DLG2: variants seen among roughly 807,000 people sequenced by gnomAD.
DLG2 encodes disks large homolog 2.
A neutral mutation model predicts 132.5 loss-of-function variants in DLG2; 45 were observed. The observed-to-expected ratio is 0.34, with a 90% CI of 0.27 to 0.44. The LOEUF (loss-of-function observed/expected upper bound fraction) is 0.44, where lower values mean the gene tolerates loss of function less well. Ranked by LOEUF, DLG2 falls within the 20% of genes least tolerant of loss-of-function variation. The pLI is 1.00. For synonymous variants in DLG2, 424 were observed against 419.6 expected (o/e 1.01, Z -0.13); for missense variants, 1,045 against 1,196.9 (o/e 0.87, Z 1.87).
At chr11:85,424,841 C>T (rs974931323) in intron 3 of DLG2, among the ~76,000 whole-genome samples, 3 of 152,142 alleles carry the variant, frequency 2.0e-5, no homozygotes, top group Non-Finnish European at 4.4e-5. Context: ...GAACAATTCC[C>T]TCACCAAACA....
rs913190754 is a variant in DLG2, at chr11:84,222,032, A to AT, written c.573+29205dup. ...GTATTACAGGTAAAATTTAAGTTCTATTTTTTTTATTTTTTTTTAAACAGA... is the reference window on the plus strand; with the variant it reads ...GTATTACAGGTAAAATTTAAGTTCTATTTTTTTTTATTTTTTTTTAAACAGA... On this transcript the variant is annotated intron_variant, in intron 8 of 27. Coordinates refer to ENST00000376104, the MANE Select transcript of DLG2 (RefSeq NM_001142699.3). 4.6e-5 allele frequency among the ~76,000 whole-genome samples: 7 copies of AT among 151,824 alleles called. No individual in the cohort carries two copies. The South Asian group carries it at 1.5e-3, about 32-fold the overall frequency.
chr11:84,121,808 G>A (rs189229880), intron 9 of DLG2, among the ~76,000 whole-genome samples: 6 of 151,350 alleles, frequency 4.0e-5, no homozygotes, highest in East Asian at 2.0e-4. Context: ...TGATCTGCCC[G>A]CCTCAGCCTC....
At chr11:83,759,390 G>A (rs1281124255) in intron 18 of DLG2, among the ~76,000 whole-genome samples, 1 of 152,198 alleles carries the variant, frequency 6.6e-6, no homozygotes, top group Non-Finnish European at 1.5e-5. Context: ...AATAGCAAGG[G>A]AACAGCCGTT....
intron 8 of DLG2, among the ~76,000 whole-genome samples, chr11:84,194,427 A>C (rs1029815687): frequency 6.6e-6 from 1 of 152,144 alleles, no homozygotes; most frequent in Non-Finnish European, 1.5e-5. Flanking sequence ...ACAGATCATA[A>C]AGGTGGCACA....
chr11:83,871,725 C>G (rs545651088), intron 16 of DLG2, among the ~76,000 whole-genome samples: 1 of 152,116 alleles, frequency 6.6e-6, no homozygotes, highest in Non-Finnish European at 1.5e-5. Flanking sequence ...ACTGAGACTT[C>G]GCCTTCTAAA....
At chr11:84,258,415 C>T (rs2097507636) in intron 7 of DLG2, among the ~76,000 whole-genome samples, 1 of 152,086 alleles carries the variant, frequency 6.6e-6, no homozygotes, top group South Asian at 2.1e-4. Context: ...CTCACAATTA[C>T]ATAGTATCAA....
At chr11:83,550,837 A>G (rs1384108160) in intron 19 of DLG2, among the ~76,000 whole-genome samples, 2 of 152,142 alleles carry the variant, frequency 1.3e-5, no homozygotes, top group Non-Finnish European at 2.9e-5. Flanking sequence ...ACAGTCTTTT[A>G]TTTCTGAATT....
chr11:83,657,328 G>A (rs1408070781), intron 18 of DLG2, among the ~76,000 whole-genome samples: 1 of 152,074 alleles, frequency 6.6e-6, no homozygotes, highest in Non-Finnish European at 1.5e-5. Flanking sequence ...TTAGATGAAA[G>A]GCTGGTATCC....
At chr11:84,178,956 C>G (rs751677874) in intron 8 of DLG2, among the ~76,000 whole-genome samples, 1 of 151,444 alleles carries the variant, frequency 6.6e-6, no homozygotes, top group Non-Finnish European at 1.5e-5. Context: ...ATAGGAGACA[C>G]GCAAAAAAGG....
At position 84,020,882 on chromosome 11, in the gene DLG2, T is replaced by C. The variant is rs375836798; in HGVS notation, c.919+38433A>G. Among the ~76,000 whole-genome samples, 3 of 152,170 alleles carry C rather than the reference T, an allele frequency of 2.0e-5. No homozygotes were observed. The East Asian group carries it at 5.8e-4, about 29-fold the overall frequency. ...AAAGCCTTAAAGTGCTAGAGCCAAT[T>C]ACTGGGGCAATTAGAGGGTGACTTT... On this transcript the variant is annotated intron_variant, in intron 11 of 27. Transcript: ENST00000376104.
At chr11:85,290,963 T>G (rs2078857096) in intron 3 of DLG2, among the ~76,000 whole-genome samples, 1 of 152,128 alleles carries the variant, frequency 6.6e-6, no homozygotes, top group Non-Finnish European at 1.5e-5. Context: ...TTTCATCTTC[T>G]TCCAAGAAGA....
intron 3 of DLG2, among the ~76,000 whole-genome samples, chr11:85,476,896 A>T (rs1023588380): frequency 3.9e-5 from 6 of 152,140 alleles, no homozygotes; most frequent in African/African-American, 9.7e-5. Flanking sequence ...AATAATAAAA[A>T]GTATGGTAAA....
At chr11:83,997,454 A>T (rs756580519) in intron 11 of DLG2, among the ~76,000 whole-genome samples, 4 of 152,034 alleles carry the variant, frequency 2.6e-5, no homozygotes, top group Non-Finnish European at 4.4e-5. Context: ...GCCAAATAAG[A>T]CCAGGTGCAG....
intron 5 of DLG2, among the ~76,000 whole-genome samples, chr11:85,122,363 A>G (rs537937612): frequency 7.9e-5 from 12 of 152,346 alleles, no homozygotes; most frequent in Middle Eastern, 3.4e-3. Context: ...GTATCAAGCT[A>G]GGAAGTTGAG....
chr11:84,928,341 A>G (rs1379420837), intron 6 of DLG2, among the ~76,000 whole-genome samples: 2 of 152,086 alleles, frequency 1.3e-5, no homozygotes, highest in East Asian at 1.9e-4. Context: ...GACCTTGGGT[A>G]AGTTACATAA....
intron 6 of DLG2, among the ~76,000 whole-genome samples, chr11:84,715,028 C>T (rs1354823662): frequency 2.0e-5 from 3 of 151,914 alleles, no homozygotes; most frequent in Non-Finnish European, 2.9e-5. Context: ...AAGATGACTC[C>T]TTTCCTTTGA....
At chr11:84,245,715 TC>T (rs1359360480) in intron 8 of DLG2, among the ~76,000 whole-genome samples, 1 of 152,228 alleles carries the variant, frequency 6.6e-6, no homozygotes, top group African/African-American at 2.4e-5. Flanking sequence ...ACTCTCCCTA[TC>T]AGTTGAACCA....
Position 84,358,902 on chromosome 11 carries a change from A to T in DLG2, c.520-107611T>A, listed in dbSNP as rs151102013. Reference sequence around the variant, plus strand: ...TGAATTAAGCAACTTATCCAAGGCCATGCAACTAGAAAATAAAAAAGCTGA... The same window carrying T: ...TGAATTAAGCAACTTATCCAAGGCCTTGCAACTAGAAAATAAAAAAGCTGA... On this transcript the variant is annotated intron_variant, in intron 7 of 27. Coordinates refer to ENST00000376104, the MANE Select transcript of DLG2 (RefSeq NM_001142699.3). Among the ~76,000 whole-genome samples the T allele has an allele frequency of 2.9e-3, 446 of 152,094 alleles. 1 individual carries two copies. The highest frequency in any genetic ancestry group is 0.01 in the African/African-American group (431 of 41,530).
intron 15 of DLG2, among the ~76,000 whole-genome samples, chr11:83,891,179 T>G (rs2069729534): frequency 6.6e-6 from 1 of 151,982 alleles, no homozygotes; most frequent in Admixed American, 6.6e-5. Flanking sequence ...AGAAAGGTTG[T>G]GATGGAAAGA....
Sources: gnomAD v4.1 joint callset for allele counts (sites outside exome capture counted in the v4.1 genomes callset) on GRCh38, gnomAD v4.1.1 for gene constraint, MANE v1.5 for transcripts, NCBI Gene and HGNC (gene_info 2026-07-23, HGNC 2026-07-21) for gene names.